Variants in MIS18A observed in about 807,000 individuals in gnomAD.
MIS18A encodes protein Mis18-alpha.
In MIS18A, 14 loss-of-function variants were observed where a neutral mutation model predicts 25.0. The observed-to-expected ratio is 0.56, with a 90% CI of 0.37 to 0.88. The LOEUF is 0.88. Among genes scored for constraint, MIS18A ranks in the 40% least tolerant of loss-of-function variants. MIS18A has a pLI of 0.00. For synonymous variants in MIS18A, 134 were observed against 118.6 expected, an observed-to-expected ratio of 1.13 and a Z score of -0.84; for missense variants, 292 against 290.8, an observed-to-expected ratio of 1.00 and a Z score of -0.03.
chr21:32,189,220 T>A, the MIS18A span, among the ~76,000 whole-genome samples: 25 of 152,180 alleles, frequency 1.6e-4, no homozygotes, highest in Non-Finnish European at 3.2e-4. Context: ...CTTGCCCAAC[T>A]CCCCTGCCTT....
the MIS18A span, among the ~76,000 whole-genome samples, chr21:32,256,859 C>T: frequency 6.6e-6 from 1 of 152,262 alleles, no homozygotes; most frequent in Non-Finnish European, 1.5e-5. Context: ...TTCAAATCCT[C>T]ATTTCAGAGC....
the MIS18A span, chr21:32,261,603 G>T: frequency 2.0e-5 from 3 of 152,244 alleles, no homozygotes; most frequent in African/African-American, 4.8e-5. Context: ...CATTCTTTTT[G>T]GCCCAGGCCA....
the MIS18A span, among the ~76,000 whole-genome samples, chr21:32,209,600 T>C: frequency 6.6e-5 from 10 of 152,302 alleles, no homozygotes; most frequent in South Asian, 1.4e-3. Context: ...GAAATTGATA[T>C]GGTTTTGCTG....
chr21:32,160,200 G>A, the MIS18A span, among the ~76,000 whole-genome samples: 1 of 151,972 alleles, frequency 6.6e-6, no homozygotes, highest in African/African-American at 2.4e-5. Flanking sequence ...TTTATGGTTT[G>A]TAGGCCATGA....
intron 2 of MIS18A, among the ~76,000 whole-genome samples, 162 bp downstream of exon 2, chr21:32,274,668 T>C (rs1408661569): frequency 6.6e-6 from 1 of 152,106 alleles, no homozygotes; most frequent in Non-Finnish European, 1.5e-5. Flanking sequence ...TAAAACAGGA[T>C]ATAGAAAAAG....
At chr21:32,258,029 T>G in the MIS18A span, among the ~76,000 whole-genome samples, 1 of 152,156 alleles carries the variant, frequency 6.6e-6, no homozygotes, top group Non-Finnish European at 1.5e-5. Flanking sequence ...GATAGAGGGT[T>G]CCTGCCAAGT....
chr21:32,266,221 T>C (rs930832092), downstream of MIS18A, among the ~76,000 whole-genome samples: 3 of 152,144 alleles, frequency 2.0e-5, no homozygotes, highest in Non-Finnish European at 2.9e-5. Flanking sequence ...AGAACCTGTG[T>C]GTGGAAACTC....
In MIS18A at chr21:32,269,773, A is replaced by C; in HGVS notation, c.555T>G (p.Ile185Met). The C allele has an allele frequency of 6.2e-7, 1 of 1,612,052 alleles. No individual in the cohort carries two copies. Among genetic ancestry groups the C allele is most frequent in the African/African-American group, 1.3e-5 (1 of 75,006 alleles). Reference protein sequence around the residue: ...SYVLGSSEKQIVSEDKELFNL... With the variant: ...SYVLGSSEKQMVSEDKELFNL... ...TAAAAAGCTCTTTATCTTCTGACAC[A>C]ATTTGCTTTTCAGAGGACCCTAAAA... Residue 185 changes from isoleucine (I) to methionine (M), a missense_variant, in exon 4 of 5, where the codon ATT (isoleucine) becomes ATG (methionine). By Grantham distance (10) the Ile-to-Met change is conservative (BLOSUM62 1). Transcript: ENST00000290130.
At chr21:32,258,492 AG>A in the MIS18A span, among the ~76,000 whole-genome samples, 2 of 152,174 alleles carry the variant, frequency 1.3e-5, no homozygotes, top group Non-Finnish European at 2.9e-5. Context: ...GGTTGTGAAC[AG>A]GCTGGACACG....
the MIS18A span, among the ~76,000 whole-genome samples, chr21:32,198,152 G>A: frequency 6.6e-6 from 1 of 152,128 alleles, no homozygotes; most frequent in African/African-American, 2.4e-5. Context: ...AACAAAGGGA[G>A]GCTGTGATTT....
chr21:32,171,923 A>G, the MIS18A span, among the ~76,000 whole-genome samples: 3,002 of 152,126 alleles, frequency 0.02, 110 homozygotes, highest in African/African-American at 0.067. Context: ...AGACTCCCCT[A>G]TATTGGTCTA....
At chr21:32,219,518 G>A in the MIS18A span, among the ~76,000 whole-genome samples, 2 of 152,160 alleles carry the variant, frequency 1.3e-5, no homozygotes, top group African/African-American at 4.8e-5. Flanking sequence ...ATACCACCAG[G>A]GCCCTGGGTT....
chr21:32,258,043 G>A, the MIS18A span, among the ~76,000 whole-genome samples: 2 of 152,102 alleles, frequency 1.3e-5, no homozygotes, highest in African/African-American at 4.8e-5. Flanking sequence ...GCCAAGTCTC[G>A]TGTGAGTCAG....
chr21:32,168,955 T>C, the MIS18A span, among the ~76,000 whole-genome samples: 1 of 152,172 alleles, frequency 6.6e-6, no homozygotes, highest in Non-Finnish European at 1.5e-5. Context: ...TCTGGATTGA[T>C]GGGGCCCTCC....
At chr21:32,198,207 G>T in the MIS18A span, among the ~76,000 whole-genome samples, 2 of 152,214 alleles carry the variant, frequency 1.3e-5, no homozygotes, top group Admixed American at 6.5e-5. Flanking sequence ...ATATGGGAAG[G>T]GAAGGAAAGA....
chr21:32,239,503 G>A, the MIS18A span, among the ~76,000 whole-genome samples: 2 of 152,198 alleles, frequency 1.3e-5, no homozygotes, highest in African/African-American at 2.4e-5. Context: ...AAACTGAAGT[G>A]AGAAAAGAAT....
chr21:32,209,208 T>C, the MIS18A span, among the ~76,000 whole-genome samples: 12 of 151,258 alleles, frequency 7.9e-5, no homozygotes, highest in African/African-American at 2.4e-5. Flanking sequence ...TTCCTAGAAA[T>C]AGATGGAAAC....
the MIS18A span, among the ~76,000 whole-genome samples, chr21:32,165,303 A>C: frequency 6.6e-6 from 1 of 152,308 alleles, no homozygotes; most frequent in Non-Finnish European, 1.5e-5. Flanking sequence ...CAACCTGGGC[A>C]ACAAGAATGA....
At chr21:32,183,456 A>T in the MIS18A span, among the ~76,000 whole-genome samples, 1 of 152,230 alleles carries the variant, frequency 6.6e-6, no homozygotes, top group Non-Finnish European at 1.5e-5. Flanking sequence ...ATATACAATA[A>T]GTATAATATG....
Sources: allele counts gnomAD v4.1 joint callset (sites outside exome capture counted in the v4.1 genomes callset), GRCh38; gene constraint gnomAD v4.1.1; transcripts MANE v1.5; gene names NCBI Gene and HGNC (gene_info 2026-07-23, HGNC 2026-07-21).